Variants in LAMC3 observed in about 807,000 individuals in gnomAD.
The protein encoded by LAMC3 is laminin subunit gamma 3, also known as laminin subunit gamma-3.
Under a neutral mutation model 173.8 loss-of-function variants are expected in LAMC3, and 128 were observed. The observed-to-expected ratio is 0.74, with a 90% CI of 0.64 to 0.85. LAMC3 has a LOEUF of 0.85. LAMC3 is among the 40% of genes least tolerant of loss of function. The pLI, the probability that LAMC3 is intolerant of heterozygous loss-of-function variation, is 0.00. For missense variants in LAMC3, 2,022 were observed against 2,156.0 expected (o/e 0.94, Z 1.23); for synonymous variants, 897 against 909.1 (o/e 0.99, Z 0.24).
At chr9:131,036,104 T>A (rs930973100) in intron 3 of LAMC3, 62 bp from the exon 4 acceptor site, 2 of 1,576,248 alleles carry the variant, frequency 1.3e-6, no homozygotes, top group Admixed American at 1.7e-5. Context: ...ACCTGGTGAC[T>A]AACTCCTTGT....
chr9:131,031,854 A>C (rs556044985), intron 2 of LAMC3, among the ~76,000 whole-genome samples, 191 bp from the exon 3 acceptor site: 90 of 152,288 alleles, frequency 5.9e-4, no homozygotes, highest in Non-Finnish European at 8.8e-4. Flanking sequence ...GTAGCCTAGC[A>C]CCCAGGTTGG....
At chr9:131,081,127 T>TCTTTTG (rs1171878028) in intron 23 of LAMC3, among the ~76,000 whole-genome samples, 19 of 152,290 alleles carry the variant, frequency 1.2e-4, no homozygotes, top group African/African-American at 4.3e-4. Flanking sequence ...TTAGTCCAGC[T>TCTTTTG]CTTTTGCAGA....
chr9:131,022,939 T>A (rs532934322), intron 1 of LAMC3, among the ~76,000 whole-genome samples: 2 of 152,104 alleles, frequency 1.3e-5, no homozygotes, highest in South Asian at 2.1e-4. Context: ...CCAGTCCCCA[T>A]CCTGAACCCC....
chr9:131,065,499 G>T (rs1223809970), intron 13 of LAMC3, among the ~76,000 whole-genome samples: 1 of 152,244 alleles, frequency 6.6e-6, no homozygotes, highest in African/African-American at 2.4e-5. Flanking sequence ...ACGAGGAGAA[G>T]CAGATGAATG....
At chr9:131,015,921 G>T (rs1050158174) in intron 1 of LAMC3, among the ~76,000 whole-genome samples, 1 of 152,214 alleles carries the variant, frequency 6.6e-6, no homozygotes, top group African/African-American at 2.4e-5. Flanking sequence ...GTCTCCCAAA[G>T]TGCTGGGAAT....
At chr9:131,087,354 A>C in intron 25 of LAMC3, 122 bp from the exon 26 acceptor site, 1 of 1,223,012 alleles carries the variant, frequency 8.2e-7, no homozygotes, top group Non-Finnish European at 1.2e-6. Context: ...TGCGTGCATG[A>C]ATGAATGAAT....
In LAMC3 at chr9:131,071,552, C is replaced by T. The variant is rs1192089954; in HGVS notation, c.3138C>T (p.Pro1046=). The part of the protein sequence containing the change: ...GWLQGSDCGS[P]WGPLDILLGE... ...TCCAAGGGTCCGACTGTGGCAGTCC[C>T]TGGGGACCACTAGACATTCTGCTGG... The change falls in exon 18 of 28, where the codon CCC becomes CCT. Residue 1046 remains proline, a synonymous_variant. Transcript: ENST00000361069. 1 of 1,613,396 alleles carries T rather than the reference C, an allele frequency of 6.2e-7. No homozygotes were observed. Among genetic ancestry groups the T allele is most frequent in the East Asian group, 2.2e-5 (1 of 44,874 alleles).
intron 22 of LAMC3, 28 bp from the exon 23 acceptor site, chr9:131,079,121 C>T (rs747380911): frequency 3.1e-6 from 5 of 1,609,488 alleles, no homozygotes; most frequent in Non-Finnish European, 4.2e-6. Context: ...CTTTCCAGGC[C>T]CTGCCTGAGC....
At chr9:131,067,964 A>C in intron 14 of LAMC3, 114 bp from the exon 15 acceptor site, 1 of 1,138,390 alleles carries the variant, frequency 8.8e-7, no homozygotes, top group East Asian at 2.4e-5. Context: ...TCTGGGCTGA[A>C]TGTGCCGTAT....
Position 131,073,288 on chromosome 9 carries a change from A to C in LAMC3, c.3461A>C (p.His1154Pro), listed in dbSNP as rs759505398. The C allele has an allele frequency of 1.2e-6, 2 of 1,613,884 alleles. No individual in the cohort carries two copies. Among genetic ancestry groups the C allele is most frequent in the South Asian group, 2.2e-5 (2 of 91,080 alleles). Residue 1154 changes from histidine (H) to proline (P), a missense_variant, in exon 20 of 28, where the codon CAC (histidine) becomes CCC (proline). His to Pro is a moderately conservative substitution (Grantham distance 77). Coordinates refer to ENST00000361069, the MANE Select transcript of LAMC3 (RefSeq NM_006059.4). ...EGPSQPTKWS[H>P]LATEARALAR... ...CCCAGTCAGCCGACCAAATGGAGCC[A>C]CCTGGCCACAGAGGCCCGTGCCCTC... is the stretch of plus-strand genomic sequence containing the variant.
chr9:131,071,632 C>G lies in LAMC3; in HGVS notation c.3211+7C>G. 1.3e-6 allele frequency: 2 copies of G among 1,568,848 alleles called. No individual in the cohort carries two copies. Among genetic ancestry groups the G allele is most frequent in the Non-Finnish European group, 1.7e-6 (2 of 1,154,040 alleles). On this transcript the variant is annotated splice_region_variant and intron_variant, in intron 18 of 27. Coordinates refer to ENST00000361069, the MANE Select transcript of LAMC3 (RefSeq NM_006059.4). ...GGCCATCACCTGCTTCCAGGTACAGCAGGAGCGCAGAGCGGGAGGGTGGGA... is the reference window on the plus strand; with the variant it reads ...GGCCATCACCTGCTTCCAGGTACAGGAGGAGCGCAGAGCGGGAGGGTGGGA...
At position 131,071,395 on chromosome 9, in the gene LAMC3, G is replaced by A. The variant is rs1830033060; in HGVS notation, c.3070-89G>A. On this transcript the variant is annotated intron_variant, in intron 17 of 27. Transcript: ENST00000361069. ...GGATTTGGAGAAGGGAACCCCCAGG[G>A]AGAGTGGCAGGGTAGAAGCCAGCGG... The A allele has an allele frequency of 1.6e-5, 24 of 1,483,594 alleles. 1 individual carries two copies. The highest frequency in any genetic ancestry group is 3.7e-4 in the Middle Eastern group (2 of 5,472). 91.9% of individuals were successfully genotyped at this position (1,483,594 alleles called of 1,614,324 possible). A position where few individuals can be genotyped will look rare whatever the true frequency, so the allele number is the denominator to read the frequency against.
intron 13 of LAMC3, among the ~76,000 whole-genome samples, chr9:131,063,229 C>T (rs1829864680): frequency 6.6e-6 from 1 of 152,218 alleles, no homozygotes; most frequent in African/African-American, 2.4e-5. Context: ...GGAGATTGCA[C>T]TGCGGGACCC....
chr9:131,059,795 A>T (rs1829772635), intron 12 of LAMC3, among the ~76,000 whole-genome samples: 1 of 152,190 alleles, frequency 6.6e-6, no homozygotes, highest in African/African-American at 2.4e-5. Context: ...CGGGCAGTAT[A>T]GCCCCGCTGC....
At chr9:131,064,241 C>G (rs184926964) in intron 13 of LAMC3, among the ~76,000 whole-genome samples, 12 of 152,270 alleles carry the variant, frequency 7.9e-5, no homozygotes, top group Admixed American at 5.2e-4. Flanking sequence ...AGACCGATGA[C>G]TTTTGAGGAC....
intron 10 of LAMC3, 80 bp from the exon 11 acceptor site, chr9:131,052,770 T>C: frequency 1.4e-6 from 2 of 1,383,524 alleles, no homozygotes; most frequent in South Asian, 1.2e-5. Context: ...CCCTGTAGTC[T>C]GGGGGGCTAC....
At chr9:131,010,214 AC>A (rs953139943) in intron 1 of LAMC3, among the ~76,000 whole-genome samples, 2 of 151,240 alleles carry the variant, frequency 1.3e-5, no homozygotes, top group African/African-American at 4.9e-5. Flanking sequence ...GGTCCCAGCT[AC>A]TCAAGAGGCT....
chr9:131,063,185 G>A lies in LAMC3; in HGVS notation c.2347+1962G>A, dbSNP rs150737783. On this transcript the variant is annotated intron_variant, in intron 13 of 27. Coordinates refer to ENST00000361069, the MANE Select transcript of LAMC3 (RefSeq NM_006059.4). ...CAACAGCCAACAGGGCAGGGCAGAT[G>A]GCTCCAGAGCCGGGAGCTCAAGAAC... Among the ~76,000 whole-genome samples, 267 of 152,342 alleles carry A rather than the reference G, an allele frequency of 1.8e-3. 3 individuals carry two copies. The highest frequency in any genetic ancestry group is 6.3e-3 in the African/African-American group (263 of 41,590).
chr9:131,052,501 G>A lies in LAMC3; in HGVS notation c.1641G>A (p.Leu547=), dbSNP rs1037419878. 1.2e-6 allele frequency: 2 copies of A among 1,614,080 alleles called. No homozygotes were observed. Among genetic ancestry groups the A allele is most frequent in the Non-Finnish European group, 8.5e-7 (1 of 1,179,902 alleles). Residue 547 remains leucine (L), a synonymous_variant, in exon 10 of 28, where the codon CTG becomes CTA. Coordinates refer to ENST00000361069, the MANE Select transcript of LAMC3 (RefSeq NM_006059.4). ...TTCTCTTGTCTTCAGAGAAGTTCCT[G>A]GGAGACCAGCGGTTCAGCTATGGGC... ...EEELTAPEKF[L]GDQRFSYGQP... is the part of the protein sequence containing the mutation.
Sources: allele counts gnomAD v4.1 joint callset (sites outside exome capture counted in the v4.1 genomes callset), GRCh38; gene constraint gnomAD v4.1.1; transcripts MANE v1.5; gene names NCBI Gene and HGNC (gene_info 2026-07-23, HGNC 2026-07-21).